SEL1L3: variants seen among roughly 807,000 people sequenced by gnomAD.
SEL1L3 encodes SEL1L family member 3, also known as protein sel-1 homolog 3.
In SEL1L3, 76 loss-of-function variants were observed where a neutral mutation model predicts 142.8. That is an observed-to-expected ratio of 0.53 (90% CI 0.44 to 0.64). The LOEUF is 0.64. SEL1L3 is among the 30% of genes least tolerant of loss of function. The pLI, the probability that SEL1L3 is intolerant of heterozygous loss-of-function variation, is 0.00. For synonymous variants in SEL1L3, 504 were observed against 519.6 expected (o/e 0.97, Z 0.41); for missense variants, 1,262 against 1,381.7 (o/e 0.91, Z 1.37).
At chr4:25,737,167 T>C in the SEL1L3 span, among the ~76,000 whole-genome samples, 5 of 152,050 alleles carry the variant, frequency 3.3e-5, no homozygotes, top group Admixed American at 3.3e-4. Flanking sequence ...GTATTTTTAG[T>C]AGAGATGGGG....
the SEL1L3 span, among the ~76,000 whole-genome samples, chr4:25,727,059 C>CCT: frequency 6.9e-6 from 1 of 145,018 alleles, no homozygotes; most frequent in African/African-American, 2.5e-5. Context: ...TTTTAATTTT[C>CCT]TTTTTTTTTT....
chr4:25,757,596 A>G lies in SEL1L3; in HGVS notation c.3197T>C (p.Leu1066Pro). 1.3e-6 allele frequency: 2 copies of G among 1,553,294 alleles called. No individual in the cohort carries two copies. Among genetic ancestry groups the G allele is most frequent in the Non-Finnish European group, 1.7e-6 (2 of 1,147,970 alleles). The change falls in exon 23 of 24, where the codon CTG becomes CCG. Residue 1066 changes from leucine (L) to proline (P), a missense_variant. Leu to Pro is a moderately conservative substitution (Grantham distance 98, BLOSUM62 -3). Around this residue, in one of 3 missense-constraint regions of SEL1L3, gnomAD observed 138 missense variants for 129.7 expected, o/e 1.06. Coordinates refer to ENST00000399878, the MANE Select transcript of SEL1L3 (RefSeq NM_015187.5). ...AILHSALIYF[L>P]GTFLLSILIA... ...CAATATGGATAGCAGAAAGGTTCCC[A>G]GAAAGTAGATCTGCAAACATCAGAA...
intron 2 of SEL1L3, among the ~76,000 whole-genome samples, chr4:25,843,827 C>T (rs892378403): frequency 6.6e-6 from 1 of 152,230 alleles, no homozygotes; most frequent in African/African-American, 2.4e-5. Flanking sequence ...CATGGCCTGG[C>T]CGGGTCTGGC....
intron 9 of SEL1L3, among the ~76,000 whole-genome samples, chr4:25,811,930 A>C (rs1714060043): frequency 6.6e-6 from 1 of 152,222 alleles, no homozygotes; most frequent in Admixed American, 6.5e-5. Flanking sequence ...TAGAAAGATA[A>C]CATATGGACC....
chr4:25,847,940 T>C (rs1716646417), intron 1 of SEL1L3, 76 bp from the exon 2 acceptor site: 1 of 889,250 alleles, frequency 1.1e-6, no homozygotes, highest in Admixed American at 3.2e-5. Context: ...TGAATCATTA[T>C]TTTCCTGGGA....
At chr4:25,846,631 C>T (rs925567156) in intron 2 of SEL1L3, among the ~76,000 whole-genome samples, 3 of 151,936 alleles carry the variant, frequency 2.0e-5, no homozygotes, top group African/African-American at 4.8e-5. Flanking sequence ...ATAGAGGCCC[C>T]GGCATGGTGG....
At chr4:25,740,232 A>C in the SEL1L3 span, among the ~76,000 whole-genome samples, 1 of 148,992 alleles carries the variant, frequency 6.7e-6, no homozygotes, top group Non-Finnish European at 1.5e-5. Flanking sequence ...TTAGGAGTTC[A>C]AGACCAGCCT....
At chr4:25,719,106 G>A in the SEL1L3 span, 1 of 152,246 alleles carries the variant, frequency 6.6e-6, no homozygotes, top group Admixed American at 6.5e-5. Context: ...AACCCGGGAG[G>A]CGTAGGTTGC....
Position 25,804,564 on chromosome 4 carries a change from T to C in SEL1L3, c.1753A>G (p.Asn585Asp). Residue 585 changes from asparagine to aspartate, a missense_variant, in exon 10 of 24, where the codon AAT becomes GAT. Around this residue, in one of 3 missense-constraint regions of SEL1L3, gnomAD observed 435 missense variants for 559.2 expected, o/e 0.78. Coordinates refer to ENST00000399878, the MANE Select transcript of SEL1L3 (RefSeq NM_015187.5). ...YLAVFYETGL[N>D]VPRDQLQGML... ...ACCTGCAGCTGATCCCGAGGAACAT[T>C]TAATCCAGTCTCATAAAAGACTGCA... 2.5e-6 allele frequency: 4 copies of C among 1,612,582 alleles called. No individual in the cohort carries two copies. The highest frequency in any genetic ancestry group is 3.4e-6 in the Non-Finnish European group (4 of 1,179,138).
intron 6 of SEL1L3, among the ~76,000 whole-genome samples, chr4:25,827,451 G>A (rs921794344): frequency 6.6e-6 from 1 of 152,226 alleles, no homozygotes; most frequent in Non-Finnish European, 1.5e-5. Flanking sequence ...CCAGAAGCCA[G>A]GAGAGACCGG....
the SEL1L3 span, among the ~76,000 whole-genome samples, chr4:25,716,766 T>C: frequency 2.0e-5 from 3 of 152,298 alleles, no homozygotes; most frequent in African/African-American, 4.8e-5. Flanking sequence ...AATAATTCTA[T>C]GTAATTTTTG....
chr4:25,780,818 T>C (rs1307140920), intron 15 of SEL1L3, among the ~76,000 whole-genome samples: 2 of 120,410 alleles, frequency 1.7e-5, no homozygotes, highest in East Asian at 4.5e-4. Flanking sequence ...ATAATATATA[T>C]ATATTTTATA....
chr4:25,824,299 C>T (rs1167863364), intron 6 of SEL1L3, among the ~76,000 whole-genome samples: 1 of 152,184 alleles, frequency 6.6e-6, no homozygotes, highest in Non-Finnish European at 1.5e-5. Flanking sequence ...GCTGAACCAA[C>T]TCCCCAGCTT....
At chr4:25,744,348 C>CTTCTTTTT (rs1717198010), downstream of SEL1L3, among the ~76,000 whole-genome samples, 2 of 101,426 alleles carry the variant, frequency 2.0e-5, no homozygotes, top group Admixed American at 1.3e-4. Context: ...ATGTGTGAGT[C>CTTCTTTTT]TTTTTTTTTT....
intron 1 of SEL1L3, among the ~76,000 whole-genome samples, chr4:25,853,032 G>A (rs532160211): frequency 2.0e-5 from 3 of 152,322 alleles, no homozygotes; most frequent in East Asian, 1.9e-4. Flanking sequence ...CACCCTGAGT[G>A]TGGTTTCAGT....
rs1438413323 is a variant in SEL1L3 at position 25,748,641 on chromosome 4, C to G, written c.3260-77G>C. Reference sequence around the variant, plus strand: ...GAATGTACAACCACACCTAGAGACTCTGGCAAGCCAGGAGAGATGCATCTA... The same window carrying G: ...GAATGTACAACCACACCTAGAGACTGTGGCAAGCCAGGAGAGATGCATCTA... On this transcript the variant is annotated intron_variant, in intron 23 of 23. Coordinates refer to ENST00000399878, the MANE Select transcript of SEL1L3 (RefSeq NM_015187.5). The G allele has an allele frequency of 4.7e-6, 7 of 1,478,148 alleles. No homozygotes were observed. In the African/African-American group the frequency reaches 5.6e-5, roughly 12 times the overall value. 91.6% of individuals were successfully genotyped at this position (1,478,148 alleles called of 1,614,324 possible).
chr4:25,848,992 A>C (rs1428611043), intron 1 of SEL1L3, among the ~76,000 whole-genome samples: 1 of 152,178 alleles, frequency 6.6e-6, no homozygotes, highest in Non-Finnish European at 1.5e-5. Context: ...TACAAAAATC[A>C]GTTGGGCAAG....
the SEL1L3 span, among the ~76,000 whole-genome samples, chr4:25,733,643 C>T: frequency 6.6e-6 from 1 of 151,148 alleles, no homozygotes; most frequent in South Asian, 2.1e-4. Context: ...GCCTCAGCTT[C>T]CCCAGTAGCT....
At chr4:25,768,542 T>C (rs902368182) in intron 17 of SEL1L3, among the ~76,000 whole-genome samples, 4 of 152,188 alleles carry the variant, frequency 2.6e-5, no homozygotes, top group African/African-American at 7.2e-5. Context: ...GTCTTAAGAA[T>C]GTACATACCA....
Sources: gnomAD v4.1 joint callset for allele counts (sites outside exome capture counted in the v4.1 genomes callset) on GRCh38, gnomAD v4.1.1 for gene constraint, gnomAD v4.1.1 regional missense constraint, MANE v1.5 for transcripts, NCBI Gene and HGNC (gene_info 2026-07-23, HGNC 2026-07-21) for gene names.